FOXP1: variants seen among roughly 807,000 people sequenced by gnomAD.
FOXP1 encodes forkhead box protein P1.
A neutral mutation model predicts 98.2 loss-of-function variants in FOXP1; 15 were observed. The ratio of observed to expected loss-of-function variants is 0.15; its 90% confidence interval spans 0.10 to 0.24. The LOEUF (loss-of-function observed/expected upper bound fraction) is 0.24, where lower values mean the gene tolerates loss of function less well. Ranked by LOEUF, FOXP1 falls within the 10% of genes least tolerant of loss-of-function variation. FOXP1 has a pLI of 1.00. For missense variants in FOXP1, 633 were observed against 848.5 expected (o/e 0.75, Z 3.15); for synonymous variants, 371 against 314.5 (o/e 1.18, Z -1.90).
intron 6 of FOXP1, among the ~76,000 whole-genome samples, chr3:71,142,405 A>T (rs2060114782): frequency 6.6e-6 from 1 of 152,218 alleles, no homozygotes; most frequent in Non-Finnish European, 1.5e-5. Flanking sequence ...GCTGACTTGA[A>T]GAAAGGGAGA....
upstream of FOXP1, chr3:71,583,807 T>TGGCGGCGGC (rs535627863): frequency 1.4e-4 from 141 of 986,568 alleles, no homozygotes; most frequent in African/African-American, 2.2e-3. Flanking sequence ...CCAGCGCCGG[T>TGGCGGCGGC]GGCGGCGGCG....
At chr3:71,582,819 G>A (rs1488562483) in intron 1 of FOXP1, 7 of 983,982 alleles carry the variant, frequency 7.1e-6, no homozygotes, top group Non-Finnish European at 8.4e-6. Context: ...GGGCTCCGAG[G>A]GGGTGGCGGG....
intron 11 of FOXP1, among the ~76,000 whole-genome samples, chr3:71,023,564 C>T (rs1320428118): frequency 6.6e-6 from 1 of 152,178 alleles, no homozygotes; most frequent in Non-Finnish European, 1.5e-5. Flanking sequence ...TCAATGACAG[C>T]TTATACAAAA....
chr3:71,556,676 T>C (rs1215665201), intron 2 of FOXP1, among the ~76,000 whole-genome samples: 1 of 151,862 alleles, frequency 6.6e-6, no homozygotes, highest in Non-Finnish European at 1.5e-5. Context: ...TTTTTTTTTT[T>C]TAAGGTTTTA....
chr3:71,115,017 GT>G (rs2058250505), intron 6 of FOXP1, among the ~76,000 whole-genome samples: 2 of 152,104 alleles, frequency 1.3e-5, no homozygotes, highest in African/African-American at 4.8e-5. Context: ...GCACATGAAG[GT>G]TTTATGGCTT....
intron 3 of FOXP1, among the ~76,000 whole-genome samples, chr3:71,482,747 G>GA (rs1289480876): frequency 3.3e-5 from 5 of 151,488 alleles, no homozygotes; most frequent in Admixed American, 6.6e-5. Flanking sequence ...CTGTCTTGCA[G>GA]AAAATTCACC....
rs1422647442 is a variant in FOXP1 at position 70,956,421 on chromosome 3, T to TC, written c.*2825_*2826insG. The TC allele has an allele frequency of 8.7e-6, 2 of 230,118 alleles. No individual in the cohort carries two copies. Among genetic ancestry groups the TC allele is most frequent in the Non-Finnish European group, 1.7e-5 (2 of 115,960 alleles). The allele number at this position is 230,118 out of a possible 1,614,324, so 14.3% of individuals were successfully genotyped here. The stretch of plus-strand genomic sequence containing the variant: ...TATGTAAAATCTAATTTTTCTTTTT[T>TC]TTTTTTTTTTGCTACAGTCTTTAGA... On this transcript the variant is annotated 3_prime_UTR_variant, in exon 21 of 21. Coordinates refer to ENST00000649528, the MANE Select transcript of FOXP1 (RefSeq NM_001349338.3).
chr3:71,399,189 T>C (rs2081776947), intron 3 of FOXP1, among the ~76,000 whole-genome samples: 1 of 152,198 alleles, frequency 6.6e-6, no homozygotes, highest in African/African-American at 2.4e-5. Context: ...CATACACATA[T>C]GTGTATATGT....
intron 6 of FOXP1, among the ~76,000 whole-genome samples, chr3:71,167,161 A>C (rs1280980563): frequency 6.6e-6 from 1 of 152,132 alleles, no homozygotes; most frequent in Non-Finnish European, 1.5e-5. Flanking sequence ...ATTATGTGGA[A>C]CTGAGCAAAG....
chr3:71,089,059 A>G (rs2055489643), intron 7 of FOXP1, among the ~76,000 whole-genome samples: 2 of 152,156 alleles, frequency 1.3e-5, no homozygotes, highest in Non-Finnish European at 2.9e-5. Context: ...CTCTGATTCT[A>G]AATAGGGCTA....
chr3:71,099,725 T>G (rs1002347010), intron 7 of FOXP1, among the ~76,000 whole-genome samples: 9 of 152,154 alleles, frequency 5.9e-5, no homozygotes, highest in African/African-American at 1.7e-4. Flanking sequence ...GACTATAACC[T>G]GCCAGTCAGA....
chr3:71,400,461 G>A (rs1237204427), intron 3 of FOXP1, among the ~76,000 whole-genome samples: 4 of 151,844 alleles, frequency 2.6e-5, no homozygotes, highest in Admixed American at 6.6e-5. Flanking sequence ...GGGTTCAATC[G>A]ATTCTCGTGC....
intron 2 of FOXP1, among the ~76,000 whole-genome samples, chr3:71,568,367 TAC>T (rs987131170): frequency 1.3e-5 from 2 of 152,108 alleles, no homozygotes; most frequent in African/African-American, 4.8e-5. Context: ...CCTCCTGTTC[TAC>T]AGAGGAAGAA....
chr3:71,093,331 T>A (rs896933663), intron 7 of FOXP1, among the ~76,000 whole-genome samples: 10 of 149,558 alleles, frequency 6.7e-5, no homozygotes, highest in Non-Finnish European at 1.5e-4. Context: ...GTCCAATAGA[T>A]CTTTTCACAA....
intron 6 of FOXP1, chr3:71,130,777 A>G (rs573934795): frequency 6.3e-6 from 9 of 1,437,664 alleles, no homozygotes; most frequent in Admixed American, 2.8e-5. Context: ...TTCCTCAAGT[A>G]ATTCTTCACT....
At chr3:71,056,903 C>T (rs1162706246) in intron 7 of FOXP1, among the ~76,000 whole-genome samples, 2 of 152,088 alleles carry the variant, frequency 1.3e-5, no homozygotes, top group African/African-American at 4.8e-5. Context: ...TAATTCCCAA[C>T]GTCCAACTTT....
intron 5 of FOXP1, among the ~76,000 whole-genome samples, chr3:71,217,963 A>T (rs114895363): frequency 2.8e-3 from 424 of 152,242 alleles, no homozygotes; most frequent in Non-Finnish European, 4.6e-3. Context: ...GCCTGAAAGG[A>T]CTACACTTCA....
At chr3:71,372,820 G>T (rs562765263) in intron 3 of FOXP1, among the ~76,000 whole-genome samples, 2 of 152,214 alleles carry the variant, frequency 1.3e-5, no homozygotes, top group African/African-American at 4.8e-5. Flanking sequence ...TTACAGAAAT[G>T]ATGAATCTAG....
chr3:71,018,856 A>G (rs959140603), intron 11 of FOXP1, among the ~76,000 whole-genome samples: 1 of 152,212 alleles, frequency 6.6e-6, no homozygotes, highest in African/African-American at 2.4e-5. Flanking sequence ...GTTGCTGTGC[A>G]ATTGTTAATT....
Sources: gnomAD v4.1 joint callset for allele counts (sites outside exome capture counted in the v4.1 genomes callset) on GRCh38, gnomAD v4.1.1 for gene constraint, MANE v1.5 for transcripts, NCBI Gene and HGNC (gene_info 2026-07-23, HGNC 2026-07-21) for gene names.